Variants in ZNF160 observed in about 807,000 individuals in gnomAD.
The protein encoded by ZNF160 is KRAB zinc finger protein KR18.
ZNF160 carries 9 observed loss-of-function variants against 13.1 expected under a neutral mutation model. The ratio of observed to expected loss-of-function variants is 0.69; its 90% CI spans 0.41 to 1.20. ZNF160 has a LOEUF of 1.20. ZNF160 is among the 50% of genes most tolerant of loss of function. ZNF160 has a pLI of 0.01. For synonymous variants in ZNF160, 293 were observed against 333.2 expected, an observed-to-expected ratio of 0.88 and a Z score of 1.31; for missense variants, 838 against 988.0, an observed-to-expected ratio of 0.85 and a Z score of 2.04.
At chr19:53,077,042 G>A (rs2084418034) in intron 3 of ZNF160, 1 of 152,156 alleles carries the variant, frequency 6.6e-6, no homozygotes, top group Non-Finnish European at 1.5e-5. Context: ...CCCAGGTAAG[G>A]AAGCTACTGA....
At chr19:53,093,306 G>A (rs12980465) in intron 1 of ZNF160, among the ~76,000 whole-genome samples, 6,560 of 152,234 alleles carry the variant, frequency 0.043, 210 homozygotes, top group South Asian at 0.11. Context: ...CAGGCGCGGT[G>A]GCAGCGCCTG....
intron 1 of ZNF160, chr19:53,093,691 C>T (rs1199578774): frequency 6.6e-6 from 1 of 151,648 alleles, no homozygotes; most frequent in Non-Finnish European, 1.5e-5. Context: ...GTCTATAGTC[C>T]CAGCTATTCA....
At position 53,069,905 on chromosome 19, in the gene ZNF160, G is replaced by C. The variant is rs1203140984; in HGVS notation, c.629C>G (p.Ser210Cys). The C allele has an allele frequency of 6.2e-7, 1 of 1,614,128 alleles. No individual in the cohort carries two copies. The highest frequency in any genetic ancestry group is 1.1e-5 in the South Asian group (1 of 91,064). Residue 210 changes from serine to cysteine, a missense_variant, in exon 6 of 6, where the codon TCT becomes TGT. Coordinates refer to ENST00000683776, the MANE Select transcript of ZNF160 (RefSeq NM_001322131.2). The surrounding 1 kb of genome is among the most constrained non-coding windows in gnomAD (Gnocchi z 4.4). ...KMYECNQVEK[S>C]TNNGSSVSPL... ...TGACACTGAGGAACCATTGTTGGTAGACTTCTCAACTTGATTACATTCATA... is the reference window on the plus strand; with the variant it reads ...TGACACTGAGGAACCATTGTTGGTACACTTCTCAACTTGATTACATTCATA...
intron 3 of ZNF160, among the ~76,000 whole-genome samples, chr19:53,083,468 A>C (rs1330019173): frequency 6.6e-6 from 1 of 152,268 alleles, no homozygotes. Context: ...ATAAAGATAA[A>C]GCATACCATT....
intron 4 of ZNF160, among the ~76,000 whole-genome samples, chr19:53,074,510 A>G (rs1194699884): frequency 6.6e-6 from 1 of 151,940 alleles, no homozygotes; most frequent in South Asian, 2.1e-4. Flanking sequence ...TACTAAAAAC[A>G]TAAAAAAAAA....
chr19:53,096,853 G>A (rs2085258291), intron 1 of ZNF160, among the ~76,000 whole-genome samples: 1 of 127,616 alleles, frequency 7.8e-6, no homozygotes, highest in Non-Finnish European at 1.7e-5. Flanking sequence ...CATAGGATGA[G>A]ATGTGTGTTG....
intron 1 of ZNF160, among the ~76,000 whole-genome samples, chr19:53,094,398 C>A (rs1600907382): frequency 6.6e-6 from 1 of 152,222 alleles, no homozygotes; most frequent in African/African-American, 2.4e-5. Flanking sequence ...TTCGTTTCAT[C>A]CTCTAAACAG....
chr19:53,068,815 G>T lies in ZNF160; in HGVS notation c.1719C>A (p.Val573=), dbSNP rs1276710418. Residue 573 remains valine (V), a synonymous_variant, in exon 6 of 6, where the codon GTC becomes GTA. Transcript: ENST00000683776. ...TTGCAAGTTGTGATGTTTGAGCGAA[G>T]ACTTTACCACATTCATTACACTTGT... ...KPYKCNECGK[V]FAQTSQLARH... 6.2e-7 allele frequency: 1 copy of T among 1,612,776 alleles called. No homozygotes were observed. Among genetic ancestry groups the T allele is most frequent in the Admixed American group, 1.7e-5 (1 of 60,008 alleles).
At chr19:53,095,164 C>T (rs1204071264) in intron 1 of ZNF160, among the ~76,000 whole-genome samples, 1 of 137,776 alleles carries the variant, frequency 7.3e-6, no homozygotes, top group African/African-American at 2.8e-5. Context: ...CCTCCTCACC[C>T]CGCCCCCTCC....
chr19:53,088,455 T>C (rs944904227), intron 2 of ZNF160, among the ~76,000 whole-genome samples: 5 of 152,012 alleles, frequency 3.3e-5, no homozygotes, highest in Non-Finnish European at 7.4e-5. Flanking sequence ...GAAAGACTAC[T>C]TGAGCCCAGG....
Position 53,094,424 on chromosome 19 carries a change from G to A in ZNF160, c.-353-2704C>T, listed in dbSNP as rs531360693. Among the ~76,000 whole-genome samples, 5 of 152,194 alleles carry A rather than the reference G, an allele frequency of 3.3e-5. No individual in the cohort carries two copies. The East Asian group carries it at 9.7e-4, about 29-fold the overall frequency. ...CTCTAAACAGACAAATCAGGTCCCGGATTAATTAAACGGTTCTAATTGCCA... is the reference window on the plus strand; with the variant it reads ...CTCTAAACAGACAAATCAGGTCCCGAATTAATTAAACGGTTCTAATTGCCA... On this transcript the variant is annotated intron_variant, in intron 1 of 5. Transcript: ENST00000683776.
In ZNF160 at chr19:53,069,762, T is replaced by C. The variant is rs1305496576; in HGVS notation, c.772A>G (p.Lys258Glu). The C allele has an allele frequency of 2.5e-6, 4 of 1,614,122 alleles. No homozygotes were observed. In the Admixed American group the frequency reaches 6.7e-5, roughly 27 times the overall value. The change falls in exon 6 of 6, where the codon AAA (lysine) becomes GAA (glutamate). Residue 258 changes from lysine to glutamate, a missense_variant. By Grantham distance (56) the Lys-to-Glu change is moderately conservative. Transcript: ENST00000683776. The surrounding 1 kb of genome is among the most constrained non-coding windows in gnomAD (Gnocchi z 4.4). ...AACGCCTTGCCACATTCATTACATT[T>C]ATAAGGTTTTCCACAACTGTTTGCT... Reference protein sequence around the residue: ...RKANSCGKPYKCNECGKAFTQ... With the variant: ...RKANSCGKPYECNECGKAFTQ...
intron 1 of ZNF160, among the ~76,000 whole-genome samples, chr19:53,101,552 A>T (rs893071918): frequency 6.6e-6 from 1 of 152,198 alleles, no homozygotes; most frequent in Non-Finnish European, 1.5e-5. Context: ...ACAAAAGCTT[A>T]CTTCAGCAAT....
rs556628998 is a variant in ZNF160 at position 53,087,803 on chromosome 19, C to T, written c.-45-1482G>A. ...CTGGCCTCAGGTGATCCGCCTGCCTCGGCCTCCCAAAGTGCTGGGATTATA... is the reference window on the plus strand; with the variant it reads ...CTGGCCTCAGGTGATCCGCCTGCCTTGGCCTCCCAAAGTGCTGGGATTATA... On this transcript the variant is annotated intron_variant, in intron 2 of 5. Transcript: ENST00000683776. Among the ~76,000 whole-genome samples the T allele has an allele frequency of 1.4e-3, 214 of 152,286 alleles. 1 individual carries two copies. Among genetic ancestry groups the T allele is most frequent in the Middle Eastern group, 0.014 (4 of 294 alleles).
Position 53,069,941 on chromosome 19 carries a change from T to A in ZNF160, c.593A>T (p.Glu198Val). ...HLPELQLFQG[E>V]GKMYECNQVE... ...TTGATTACATTCATACATTTTCCCC[T>A]CACCTTGAAATAGCTGCAGTTCAGG... The change falls in exon 6 of 6, where the codon GAG becomes GTG. Residue 198 changes from glutamate (E) to valine (V), a missense_variant. Glu to Val is a moderately radical substitution (Grantham distance 121, BLOSUM62 -2). Transcript: ENST00000683776. The surrounding 1 kb of genome is among the most constrained non-coding windows in gnomAD (Gnocchi z 4.4). 1 of 1,614,158 alleles carries A rather than the reference T, an allele frequency of 6.2e-7. No individual in the cohort carries two copies. The highest frequency in any genetic ancestry group is 8.5e-7 in the Non-Finnish European group (1 of 1,180,034).
At chr19:53,076,034 A>G (rs2084375900) in intron 3 of ZNF160, 1 of 218,006 alleles carries the variant, frequency 4.6e-6, no homozygotes, top group Non-Finnish European at 9.5e-6. Context: ...AACCCAATAC[A>G]TCCAAAATCA....
intron 3 of ZNF160, among the ~76,000 whole-genome samples, chr19:53,079,561 A>T (rs981264428): frequency 6.6e-6 from 1 of 151,378 alleles, no homozygotes; most frequent in African/African-American, 2.4e-5. Context: ...AAAAAAAAAA[A>T]AAAAAAAAAA....
intron 5 of ZNF160, chr19:53,073,493 C>T: frequency 6.3e-7 from 1 of 1,597,890 alleles, no homozygotes. Flanking sequence ...GCCAATGTTT[C>T]CATCTCCTGA....
intron 3 of ZNF160, among the ~76,000 whole-genome samples, chr19:53,079,736 T>A (rs1005173514): frequency 6.0e-5 from 9 of 149,646 alleles, no homozygotes; most frequent in African/African-American, 2.2e-4. Flanking sequence ...AGTAAAACAG[T>A]ATGCCTGTGA....
Sources: allele counts gnomAD v4.1 joint callset (sites outside exome capture counted in the v4.1 genomes callset), GRCh38; gene constraint gnomAD v4.1.1; non-coding constraint Gnocchi (gnomAD v3.1); transcripts MANE v1.5; gene names NCBI Gene and HGNC (gene_info 2026-07-23, HGNC 2026-07-21).